Variants in SCRG1 observed in about 807,000 individuals in gnomAD.
The protein encoded by SCRG1 is stimulator of chondrogenesis 1, also known as scrapie-responsive protein 1.
A neutral mutation model predicts 7.7 loss-of-function variants in SCRG1; 3 were observed. That is an observed-to-expected ratio of 0.39 (90% CI 0.18 to 1.01). SCRG1 has a LOEUF of 1.01. Among genes scored for constraint, SCRG1 ranks in the 50% least tolerant of loss-of-function variants. The pLI is 0.36. For missense variants in SCRG1, 110 were observed against 117.2 expected (o/e 0.94, Z 0.28); for synonymous variants, 46 against 41.2 (o/e 1.12, Z -0.44).
the SCRG1 span, among the ~76,000 whole-genome samples, chr4:173,412,832 T>C: frequency 2.0e-5 from 3 of 152,292 alleles, no homozygotes; most frequent in South Asian, 6.2e-4. Context: ...GCCAGCTGAA[T>C]GGGACCAAGG....
chr4:173,448,933 A>G, the SCRG1 span, among the ~76,000 whole-genome samples: 1 of 152,238 alleles, frequency 6.6e-6, no homozygotes, highest in Non-Finnish European at 1.5e-5. Context: ...GCATTTAAAG[A>G]GTCTCAGAAA....
At chr4:173,473,192 G>A in the SCRG1 span, among the ~76,000 whole-genome samples, 3 of 152,178 alleles carry the variant, frequency 2.0e-5, no homozygotes, top group African/African-American at 7.2e-5. Context: ...CACTGTGCCA[G>A]GCATATGGCA....
At chr4:173,394,272 G>A (rs1458972377) in intron 1 of SCRG1, among the ~76,000 whole-genome samples, 2 of 148,398 alleles carry the variant, frequency 1.3e-5, no homozygotes, top group East Asian at 2.0e-4. Context: ...TTTTTTTTCC[G>A]ATATGCTTTG....
At chr4:173,422,113 G>T in the SCRG1 span, among the ~76,000 whole-genome samples, 14 of 152,168 alleles carry the variant, frequency 9.2e-5, no homozygotes, top group East Asian at 2.7e-3. Flanking sequence ...ATTTGCCAGT[G>T]GTTAGCAAAG....
chr4:173,452,106 G>A, the SCRG1 span, among the ~76,000 whole-genome samples: 1 of 152,018 alleles, frequency 6.6e-6, no homozygotes, highest in Non-Finnish European at 1.5e-5. Context: ...GAGACACAAT[G>A]GGGCCTCAAG....
the SCRG1 span, among the ~76,000 whole-genome samples, chr4:173,456,418 T>A: frequency 6.6e-6 from 1 of 152,220 alleles, no homozygotes; most frequent in Non-Finnish European, 1.5e-5. Context: ...TGATTTGGTA[T>A]TAGAAAATCA....
intron 1 of SCRG1, among the ~76,000 whole-genome samples, chr4:173,395,296 C>T (rs1739572634): frequency 6.6e-6 from 1 of 152,206 alleles, no homozygotes; most frequent in Non-Finnish European, 1.5e-5. Context: ...ACACCAGTGG[C>T]TAATACAATG....
chr4:173,518,914 C>T, the SCRG1 span, among the ~76,000 whole-genome samples: 2 of 148,344 alleles, frequency 1.3e-5, no homozygotes, highest in Non-Finnish European at 3.0e-5. Context: ...GCCCGGCGGT[C>T]CACCCCGGCT....
At chr4:173,509,880 T>A in the SCRG1 span, among the ~76,000 whole-genome samples, 1 of 152,312 alleles carries the variant, frequency 6.6e-6, no homozygotes, top group South Asian at 2.1e-4. This position sits in a 1 kb window ranked among gnomAD's most constrained non-coding sequence, Gnocchi z 5.7. Flanking sequence ...TTCACCCACA[T>A]GCCTGTTGAC....
At chr4:173,489,595 C>T in the SCRG1 span, among the ~76,000 whole-genome samples, 1 of 152,068 alleles carries the variant, frequency 6.6e-6, no homozygotes, top group African/African-American at 2.4e-5. Flanking sequence ...AAATAGTAGG[C>T]ATTCCTACTT....
At chr4:173,450,943 A>C in the SCRG1 span, among the ~76,000 whole-genome samples, 2 of 152,132 alleles carry the variant, frequency 1.3e-5, no homozygotes, top group Non-Finnish European at 2.9e-5. Flanking sequence ...ACACCCAACC[A>C]GGAGAGAGAA....
At chr4:173,431,226 C>T in the SCRG1 span, among the ~76,000 whole-genome samples, 2 of 152,148 alleles carry the variant, frequency 1.3e-5, no homozygotes, top group African/African-American at 2.4e-5. Context: ...TGGGGGACCA[C>T]TTCCTGTGGC....
the SCRG1 span, among the ~76,000 whole-genome samples, chr4:173,504,158 A>G: frequency 2.0e-5 from 3 of 148,706 alleles, no homozygotes; most frequent in Admixed American, 1.3e-4. The surrounding 1 kb of genome is among the most constrained non-coding windows in gnomAD (Gnocchi z 4.7). Context: ...AGTCTGAACT[A>G]CATTGGTTTT....
At chr4:173,461,929 C>G in the SCRG1 span, among the ~76,000 whole-genome samples, 1 of 151,312 alleles carries the variant, frequency 6.6e-6, no homozygotes, top group Admixed American at 6.6e-5. Flanking sequence ...ATTGGCATAC[C>G]GAGGAATGTA....
chr4:173,417,187 A>G, the SCRG1 span, among the ~76,000 whole-genome samples: 2 of 152,056 alleles, frequency 1.3e-5, no homozygotes, highest in Admixed American at 1.3e-4. Context: ...TTTTACATTT[A>G]GTTGTTATTT....
chr4:173,414,127 G>A, the SCRG1 span, among the ~76,000 whole-genome samples: 1 of 152,150 alleles, frequency 6.6e-6, no homozygotes, highest in African/African-American at 2.4e-5. Context: ...CAGCAACACA[G>A]ACAAAATCCT....
At chr4:173,505,733 G>C in the SCRG1 span, among the ~76,000 whole-genome samples, 1 of 152,188 alleles carries the variant, frequency 6.6e-6, no homozygotes, top group Non-Finnish European at 1.5e-5. This position sits in a 1 kb window ranked among gnomAD's most constrained non-coding sequence, Gnocchi z 4.4. Flanking sequence ...GCAGTCATCA[G>C]ACAACCTCTC....
At chr4:173,505,449 T>C in the SCRG1 span, among the ~76,000 whole-genome samples, 2 of 152,118 alleles carry the variant, frequency 1.3e-5, no homozygotes, top group Non-Finnish European at 2.9e-5. The surrounding 1 kb of genome is among the most constrained non-coding windows in gnomAD (Gnocchi z 4.4). Context: ...AGATTCTTCT[T>C]GCTCAGCCAT....
At chr4:173,508,159 G>A in the SCRG1 span, among the ~76,000 whole-genome samples, 1 of 152,152 alleles carries the variant, frequency 6.6e-6, no homozygotes, top group Non-Finnish European at 1.5e-5. This position sits in a 1 kb window ranked among gnomAD's most constrained non-coding sequence, Gnocchi z 4.4. Flanking sequence ...CGGCTTCTTG[G>A]AACTCCCCCT....
Sources: allele counts gnomAD v4.1 joint callset (sites outside exome capture counted in the v4.1 genomes callset), GRCh38; gene constraint gnomAD v4.1.1; non-coding constraint Gnocchi (gnomAD v3.1); transcripts MANE v1.5; gene names NCBI Gene and HGNC (gene_info 2026-07-23, HGNC 2026-07-21).